Variants in NEBL observed in about 807,000 individuals in gnomAD.
NEBL encodes the protein LIM and SH3 protein 2.
NEBL carries 122 observed loss-of-function variants against 140.2 expected under a neutral mutation model. That is an observed-to-expected ratio of 0.87 (90% CI 0.75 to 1.01). The LOEUF is 1.01. NEBL is among the 50% of genes least tolerant of loss of function. NEBL has a pLI of 0.00. For missense variants in NEBL, 1,365 were observed against 1,231.3 expected (o/e 1.11, Z -1.62); for synonymous variants, 436 against 398.9 (o/e 1.09, Z -1.11).
rs567787177 is a variant in NEBL, at chr10:21,224,936, T to A, written n.348+22985A>T. On this transcript the variant is annotated intron_variant and non_coding_transcript_variant, in intron 3 of 8. Coordinates refer to the NEBL transcript ENST00000675702. ...TCAGGTCTTTCCAAATATAAGATCA[T>A]ATCATTTACAAAGAGGATACTTTTA... 2.6e-5 allele frequency among the ~76,000 whole-genome samples: 4 copies of A among 152,328 alleles called. No homozygotes were observed. The East Asian group carries it at 7.7e-4, about 29-fold the overall frequency.
At chr10:21,057,268 C>T (rs7079238) in intron 2 of NEBL, among the ~76,000 whole-genome samples, 59,859 of 151,722 alleles carry the variant, frequency 0.39, 11,897 homozygotes, top group Middle Eastern at 0.47. Context: ...AAGGGTTGCT[C>T]TTTGACTTTT....
At chr10:20,897,342 C>A, upstream of NEBL, 1 of 1,474,134 alleles carries the variant, frequency 6.8e-7, no homozygotes, top group Non-Finnish European at 8.9e-7. Flanking sequence ...CCTATTTAGC[C>A]CACACTTCAC....
intron 26 of NEBL, among the ~76,000 whole-genome samples, chr10:20,796,251 T>G (rs774734152): frequency 6.6e-6 from 1 of 151,260 alleles, no homozygotes; most frequent in Non-Finnish European, 1.5e-5. Flanking sequence ...TTATCCCAGC[T>G]TCTCAGGAGG....
intron 4 of NEBL, among the ~76,000 whole-genome samples, chr10:20,931,827 C>G (rs1834201614): frequency 6.6e-6 from 1 of 152,066 alleles, no homozygotes; most frequent in Admixed American, 6.6e-5. Flanking sequence ...TAAAGAAAGT[C>G]CCACACTAAC....
chr10:21,252,313 G>A (rs1469327100), intron 1 of NEBL, among the ~76,000 whole-genome samples: 1 of 152,114 alleles, frequency 6.6e-6, no homozygotes. Flanking sequence ...GCAAGTAAAT[G>A]CCCCTGGCAG....
intron 2 of NEBL, among the ~76,000 whole-genome samples, chr10:21,108,249 A>G (rs1837813169): frequency 6.6e-6 from 1 of 151,938 alleles, no homozygotes; most frequent in African/African-American, 2.4e-5. Flanking sequence ...TTTAATTGTG[A>G]TGTTAGGGTG....
At chr10:20,894,264 G>C (rs181727435) in intron 2 of NEBL, among the ~76,000 whole-genome samples, 4 of 152,172 alleles carry the variant, frequency 2.6e-5, no homozygotes, top group Admixed American at 2.6e-4. Context: ...AAAGCCAAGA[G>C]CTTGAGACCA....
intron 5 of NEBL, among the ~76,000 whole-genome samples, chr10:20,878,856 A>G (rs1002445756): frequency 1.3e-5 from 2 of 152,156 alleles, no homozygotes; most frequent in African/African-American, 4.8e-5. Flanking sequence ...TCAATCAAAG[A>G]CCTTTTAGAA....
intron 24 of NEBL, among the ~76,000 whole-genome samples, chr10:20,810,848 C>T (rs1459798714): frequency 6.6e-6 from 1 of 152,128 alleles, no homozygotes; most frequent in African/African-American, 2.4e-5. Flanking sequence ...TAGTGCTGAC[C>T]ATATGCCAGG....
intron 3 of NEBL, among the ~76,000 whole-genome samples, chr10:21,239,827 T>C (rs139539714): frequency 5.9e-4 from 89 of 152,068 alleles, no homozygotes; most frequent in African/African-American, 2.0e-3. Context: ...CCATCCTAGC[T>C]AACATGGTGA....
At chr10:21,067,587 T>G (rs569150420) in intron 2 of NEBL, among the ~76,000 whole-genome samples, 2 of 152,216 alleles carry the variant, frequency 1.3e-5, no homozygotes, top group East Asian at 3.9e-4. Context: ...TTACATTTAT[T>G]TCATGTAACT....
At chr10:20,801,636 G>A (rs1011541001) in intron 26 of NEBL, among the ~76,000 whole-genome samples, 1 of 151,992 alleles carries the variant, frequency 6.6e-6, no homozygotes, top group Admixed American at 6.6e-5. Flanking sequence ...TGTGTTCCCA[G>A]TATCTCACAC....
At chr10:20,950,932 A>G (rs1281340813) in intron 4 of NEBL, among the ~76,000 whole-genome samples, 1 of 152,180 alleles carries the variant, frequency 6.6e-6, no homozygotes, top group African/African-American at 2.4e-5. Context: ...ACACCTTTAT[A>G]ATTCTAAGGA....
At chr10:20,927,149 T>C (rs1833952253) in intron 4 of NEBL, among the ~76,000 whole-genome samples, 1 of 152,104 alleles carries the variant, frequency 6.6e-6, no homozygotes, top group Non-Finnish European at 1.5e-5. Context: ...CCACTGTGTG[T>C]CCAGTGATAA....
intron 1 of NEBL, among the ~76,000 whole-genome samples, chr10:21,285,230 T>C (rs1227133992): frequency 6.6e-6 from 1 of 152,064 alleles, no homozygotes. Context: ...GTAAGGCTTG[T>C]GAAAGAAAAA....
Position 20,951,536 on chromosome 10 carries a change from A to G in NEBL, c.357+10136T>C, listed in dbSNP as rs372817480. Among the ~76,000 whole-genome samples, 5 of 152,318 alleles carry G rather than the reference A, an allele frequency of 3.3e-5. No individual in the cohort carries two copies. The East Asian group carries it at 9.6e-4, about 29-fold the overall frequency. On this transcript the variant is annotated intron_variant, in intron 4 of 6. Coordinates refer to the NEBL transcript ENST00000417816. ...ATCATAAAATTTTCTCTAATTGTAT[A>G]AACTTGGCTTAGATTACCAATGGAT...
intron 7 of NEBL, among the ~76,000 whole-genome samples, chr10:20,861,147 T>C (rs1349490746): frequency 6.6e-6 from 1 of 152,118 alleles, no homozygotes; most frequent in South Asian, 2.1e-4. Context: ...ATACAGTAGG[T>C]GGCACAAAAG....
chr10:21,177,581 G>A (rs879698057), upstream of NEBL, among the ~76,000 whole-genome samples: 2 of 151,540 alleles, frequency 1.3e-5, no homozygotes, highest in Non-Finnish European at 2.9e-5. Flanking sequence ...CCAGGCTGGA[G>A]TACAGTGGCA....
At chr10:21,210,815 A>G (rs758195399) in intron 3 of NEBL, among the ~76,000 whole-genome samples, 9 of 152,228 alleles carry the variant, frequency 5.9e-5, no homozygotes, top group Admixed American at 1.3e-4. Context: ...TGTGACTGTC[A>G]TTATCTTCCA....
Sources: gnomAD v4.1 joint callset for allele counts (sites outside exome capture counted in the v4.1 genomes callset) on GRCh38, gnomAD v4.1.1 for gene constraint, MANE v1.5 for transcripts, NCBI Gene and HGNC (gene_info 2026-07-23, HGNC 2026-07-21) for gene names.